The following VWA8 variants were observed in gnomAD, a reference collection of about 807,000 sequenced individuals.
VWA8 encodes the protein von Willebrand factor A domain containing 8.
In VWA8, 221 loss-of-function variants were observed where a neutral mutation model predicts 241.5. That is an observed-to-expected ratio of 0.91 (90% CI 0.82 to 1.02). The LOEUF is 1.02. Ranked by LOEUF, VWA8 falls within the 50% of genes least tolerant of loss-of-function variation. The probability of loss-of-function intolerance (pLI) is 0.00; values close to 1 mark genes in which losing one functional copy is unlikely to be tolerated. For missense variants in VWA8, 2,322 were observed against 2,328.7 expected (o/e 1.00, Z 0.06); for synonymous variants, 852 against 827.1 (o/e 1.03, Z -0.52).
In VWA8 at chr13:41,942,479, G is replaced by A. The variant is rs984403986; in HGVS notation, c.241+7457C>T. On this transcript the variant is annotated intron_variant, in intron 2 of 44. Coordinates refer to ENST00000379310, the MANE Select transcript of VWA8 (RefSeq NM_015058.2). ...ACTTTCACCCCTGGTAGAATGGCAG[G>A]AGGAGAAACAATCTGCATAGATGTG... Among the ~76,000 whole-genome samples, 18 of 152,300 alleles carry A rather than the reference G, an allele frequency of 1.2e-4. No homozygotes were observed. The South Asian group carries it at 3.3e-3, about 28-fold the overall frequency.
At chr13:41,821,765 ATGTT>A (rs1870969000) in intron 14 of VWA8, among the ~76,000 whole-genome samples, 4 of 152,282 alleles carry the variant, frequency 2.6e-5, no homozygotes, top group Non-Finnish European at 4.4e-5. Flanking sequence ...TGAAGTCACT[ATGTT>A]TGTCTGTGGG....
intron 20 of VWA8, among the ~76,000 whole-genome samples, chr13:41,773,533 A>T (rs1482059942): frequency 1.3e-5 from 2 of 152,236 alleles, no homozygotes; most frequent in Non-Finnish European, 2.9e-5. Context: ...AGCAAAGCAC[A>T]GTTCTGTGGG....
chr13:41,636,185 A>G (rs1403456949), intron 37 of VWA8, among the ~76,000 whole-genome samples: 2 of 152,198 alleles, frequency 1.3e-5, no homozygotes, highest in African/African-American at 2.4e-5. Flanking sequence ...ACTTCAAACT[A>G]CACTACAAGG....
At chr13:41,956,874 ATG>A (rs1878372041) in intron 1 of VWA8, among the ~76,000 whole-genome samples, 1 of 152,230 alleles carries the variant, frequency 6.6e-6, no homozygotes, top group Non-Finnish European at 1.5e-5. Flanking sequence ...CCATGTTAAT[ATG>A]TTCACAATAA....
chr13:41,955,747 TA>T (rs781231061), intron 1 of VWA8: 1 of 152,208 alleles, frequency 6.6e-6, no homozygotes, highest in African/African-American at 2.4e-5. Flanking sequence ...AATTGCAACA[TA>T]ACTTTGTATG....
At chr13:41,634,484 A>G (rs1369513484) in intron 37 of VWA8, among the ~76,000 whole-genome samples, 1 of 152,158 alleles carries the variant, frequency 6.6e-6, no homozygotes, top group African/African-American at 2.4e-5. Flanking sequence ...GAAGTTTAAT[A>G]TAGATAGAGT....
intron 2 of VWA8, among the ~76,000 whole-genome samples, chr13:41,944,746 A>AT (rs1272347347): frequency 6.6e-6 from 1 of 152,222 alleles, no homozygotes; most frequent in Non-Finnish European, 1.5e-5. Flanking sequence ...GCTCCCTGAA[A>AT]TGCTCCATTT....
chr13:41,739,909 C>CAGT (rs1401727627), intron 21 of VWA8, among the ~76,000 whole-genome samples: 1 of 136,932 alleles, frequency 7.3e-6, no homozygotes, highest in Non-Finnish European at 1.5e-5. Flanking sequence ...GGCTGGAGTG[C>CAGT]AGTGGCACAA....
chr13:41,923,669 G>A (rs1876677201), intron 2 of VWA8, among the ~76,000 whole-genome samples: 1 of 151,968 alleles, frequency 6.6e-6, no homozygotes, highest in Admixed American at 6.6e-5. Context: ...CTCCATTGTG[G>A]GAAAGACAAG....
chr13:41,571,656 A>G (rs1250030820), intron 43 of VWA8, among the ~76,000 whole-genome samples: 2 of 152,136 alleles, frequency 1.3e-5, no homozygotes, highest in African/African-American at 2.4e-5. Context: ...AGTGCTCAAC[A>G]TTGCCCAGGC....
chr13:41,796,802 G>C (rs1869722339), intron 17 of VWA8, among the ~76,000 whole-genome samples: 1 of 149,632 alleles, frequency 6.7e-6, no homozygotes, highest in African/African-American at 2.5e-5. Flanking sequence ...AAAAAAAAAA[G>C]TTACCTTAGG....
At chr13:41,870,926 T>C (rs1873571345) in intron 9 of VWA8, among the ~76,000 whole-genome samples, 1 of 152,164 alleles carries the variant, frequency 6.6e-6, no homozygotes, top group South Asian at 2.1e-4. Flanking sequence ...CAAGGTGAAT[T>C]ATCATTTTCT....
At chr13:41,851,861 C>G (rs969149076) in intron 12 of VWA8, among the ~76,000 whole-genome samples, 2 of 152,134 alleles carry the variant, frequency 1.3e-5, no homozygotes, top group East Asian at 1.9e-4. Context: ...AATTACCTAT[C>G]TTGGCTATTA....
intron 20 of VWA8, among the ~76,000 whole-genome samples, chr13:41,761,492 A>G (rs2045739598): frequency 6.6e-6 from 1 of 152,100 alleles, no homozygotes; most frequent in African/African-American, 2.4e-5. Context: ...TTTACACTGA[A>G]GTCTAGGCAT....
chr13:41,660,841 A>T (rs1220846973), intron 37 of VWA8, among the ~76,000 whole-genome samples: 1 of 151,848 alleles, frequency 6.6e-6, no homozygotes, highest in African/African-American at 2.4e-5. Flanking sequence ...AGTATTAGGG[A>T]TTAAGAAATG....
intron 37 of VWA8, among the ~76,000 whole-genome samples, chr13:41,648,440 G>A (rs1794951691): frequency 1.3e-5 from 2 of 152,116 alleles, no homozygotes; most frequent in South Asian, 4.1e-4. Context: ...AAGTAAACAA[G>A]GGAATAAAAA....
chr13:41,833,317 C>T (rs1279586702), intron 13 of VWA8, 54 bp downstream of exon 13: 23 of 1,532,658 alleles, frequency 1.5e-5, no homozygotes, highest in Non-Finnish European at 1.9e-5. Context: ...ATCTTTACTG[C>T]TTAAGTCAGA....
intron 2 of VWA8, among the ~76,000 whole-genome samples, chr13:41,933,957 AAACTT>A (rs1041164286): frequency 6.6e-6 from 1 of 151,946 alleles, no homozygotes; most frequent in Non-Finnish European, 1.5e-5. Context: ...ATAAAAGTAA[AAACTT>A]AGTAAGTTGG....
intron 39 of VWA8, among the ~76,000 whole-genome samples, chr13:41,607,515 A>T (rs1484548174): frequency 6.6e-6 from 1 of 152,176 alleles, no homozygotes; most frequent in Non-Finnish European, 1.5e-5. Flanking sequence ...CACAATGAAC[A>T]ATGCAGGACA....
Sources: allele counts gnomAD v4.1 joint callset (sites outside exome capture counted in the v4.1 genomes callset), GRCh38; gene constraint gnomAD v4.1.1; transcripts MANE v1.5; gene names NCBI Gene and HGNC (gene_info 2026-07-23, HGNC 2026-07-21).